Variants in CUX2 observed in about 807,000 individuals in gnomAD.
CUX2 encodes homeobox protein cut-like 2.
Under a neutral mutation model 144.8 loss-of-function variants are expected in CUX2, and 40 were observed. That is an observed-to-expected ratio of 0.28 (90% CI 0.21 to 0.36). The LOEUF (loss-of-function observed/expected upper bound fraction) is 0.36. Ranked by LOEUF, CUX2 falls within the 10% of genes least tolerant of loss-of-function variation. The probability of loss-of-function intolerance (pLI) is 1.00; values close to 1 mark genes in which losing one functional copy is unlikely to be tolerated. For missense variants in CUX2, 1,615 were observed against 1,994.0 expected (o/e 0.81, Z 3.62); for synonymous variants, 827 against 875.6 (o/e 0.94, Z 0.98).
intron 1 of CUX2, among the ~76,000 whole-genome samples, chr12:111,110,235 T>C (rs1041553344): frequency 7.2e-5 from 11 of 152,264 alleles, no homozygotes; most frequent in African/African-American, 2.2e-4. Flanking sequence ...CCAAGGCCAC[T>C]TGTGATCCAT....
intron 1 of CUX2, among the ~76,000 whole-genome samples, chr12:111,168,736 A>G (rs1878317042): frequency 1.3e-5 from 2 of 152,254 alleles, no homozygotes; most frequent in Admixed American, 6.5e-5. Context: ...AGACTCCTGC[A>G]TTGTATTAGG....
intron 1 of CUX2, among the ~76,000 whole-genome samples, chr12:111,181,247 G>A (rs1397460640): frequency 2.6e-5 from 4 of 152,212 alleles, no homozygotes; most frequent in Non-Finnish European, 4.4e-5. Flanking sequence ...TCCATCGGCT[G>A]TTTGATGAGA....
At chr12:111,326,932 A>G (rs1322512726) in intron 18 of CUX2, among the ~76,000 whole-genome samples, 1 of 152,168 alleles carries the variant, frequency 6.6e-6, no homozygotes, top group Non-Finnish European at 1.5e-5. Flanking sequence ...CAAAAATCAC[A>G]TAACGTAAAA....
intron 3 of CUX2, among the ~76,000 whole-genome samples, chr12:111,222,184 T>G (rs1881891487): frequency 6.6e-6 from 1 of 152,240 alleles, no homozygotes; most frequent in African/African-American, 2.4e-5. Flanking sequence ...AAAAATTATT[T>G]TCTCATTATT....
intron 1 of CUX2, among the ~76,000 whole-genome samples, chr12:111,174,271 T>C (rs1429241039): frequency 1.3e-5 from 2 of 152,188 alleles, no homozygotes; most frequent in African/African-American, 4.8e-5. Context: ...CAGGCAGGAA[T>C]TGGCAGTGAC....
intron 1 of CUX2, among the ~76,000 whole-genome samples, chr12:111,082,790 G>A (rs577795727): frequency 6.6e-6 from 1 of 152,196 alleles, no homozygotes; most frequent in East Asian, 1.9e-4. Flanking sequence ...CACCCTGGGG[G>A]CCCTGAGCAG....
At chr12:111,336,020 T>C (rs1041924329) in intron 19 of CUX2, among the ~76,000 whole-genome samples, 84 of 152,120 alleles carry the variant, frequency 5.5e-4, no homozygotes, top group African/African-American at 1.9e-3. Flanking sequence ...GGCTCTGACC[T>C]GGGTCTGGGA....
At chr12:111,214,337 T>A in intron 2 of CUX2, 27 bp downstream of exon 2, 2 of 1,334,926 alleles carry the variant, frequency 1.5e-6, no homozygotes, top group Non-Finnish European at 2.1e-6. Flanking sequence ...GTTATAGAAT[T>A]AACTCAGTAG....
chr12:111,172,794 T>C (rs1243466594), intron 1 of CUX2, among the ~76,000 whole-genome samples: 1 of 152,212 alleles, frequency 6.6e-6, no homozygotes, highest in Non-Finnish European at 1.5e-5. Flanking sequence ...TTCCCAGAAC[T>C]GATATCGTTT....
intron 19 of CUX2, among the ~76,000 whole-genome samples, chr12:111,337,140 A>C (rs949348511): frequency 3.9e-5 from 6 of 152,132 alleles, no homozygotes. Flanking sequence ...ACACCACTGC[A>C]GTCCAGCCTG....
At chr12:111,062,691 A>G (rs931101265) in intron 1 of CUX2, among the ~76,000 whole-genome samples, 13 of 152,238 alleles carry the variant, frequency 8.5e-5, no homozygotes, top group African/African-American at 3.1e-4. Flanking sequence ...TGAAGTTGCA[A>G]GCCCAGCTAA....
At chr12:111,232,746 G>T (rs1166586852) in intron 3 of CUX2, among the ~76,000 whole-genome samples, 1 of 152,166 alleles carries the variant, frequency 6.6e-6, no homozygotes, top group Non-Finnish European at 1.5e-5. Context: ...GCTTTTAGGT[G>T]TGGAGGGAAT....
At chr12:111,161,014 C>T (rs567394806) in intron 1 of CUX2, among the ~76,000 whole-genome samples, 3 of 152,202 alleles carry the variant, frequency 2.0e-5, no homozygotes, top group East Asian at 1.9e-4. Flanking sequence ...TTATCAGGTC[C>T]GCAGTGGGTG....
At chr12:111,163,045 C>CA (rs559797657) in intron 1 of CUX2, among the ~76,000 whole-genome samples, 24,880 of 112,688 alleles carry the variant, frequency 0.22, 2,612 homozygotes, top group East Asian at 0.56. Flanking sequence ...GACTCTGTCT[C>CA]AAAAAAAAAA....
chr12:111,324,868 G>A (rs529115686), intron 18 of CUX2, among the ~76,000 whole-genome samples: 4 of 152,242 alleles, frequency 2.6e-5, no homozygotes, highest in South Asian at 2.1e-4. Context: ...CATCGATTAC[G>A]GTGATGGGTG....
At chr12:111,329,111 C>G (rs1351481911) in intron 18 of CUX2, among the ~76,000 whole-genome samples, 1 of 148,946 alleles carries the variant, frequency 6.7e-6, no homozygotes, top group African/African-American at 2.5e-5. Context: ...CTCCAGTGCT[C>G]TCTTTTCATC....
At chr12:111,161,432 A>G (rs894251998) in intron 1 of CUX2, among the ~76,000 whole-genome samples, 29 of 152,162 alleles carry the variant, frequency 1.9e-4, no homozygotes, top group Admixed American at 1.5e-3. Context: ...GAAAATAAGG[A>G]CACACTTTGT....
intron 17 of CUX2, among the ~76,000 whole-genome samples, chr12:111,321,868 G>A (rs781532246): frequency 6.6e-6 from 1 of 152,006 alleles, no homozygotes; most frequent in Non-Finnish European, 1.5e-5. Context: ...TTAAGTGGGA[G>A]GTCAGGGAAG....
At chr12:111,147,121 G>A (rs1274030758) in intron 1 of CUX2, among the ~76,000 whole-genome samples, 7 of 152,292 alleles carry the variant, frequency 4.6e-5, no homozygotes, top group Non-Finnish European at 7.4e-5. Flanking sequence ...GTGACAGAGC[G>A]AGACTCTGTC....
Sources: allele counts gnomAD v4.1 joint callset (sites outside exome capture counted in the v4.1 genomes callset), GRCh38; gene constraint gnomAD v4.1.1; transcripts MANE v1.5; gene names NCBI Gene and HGNC (gene_info 2026-07-23, HGNC 2026-07-21).